OFD1: variants seen among roughly 807,000 people sequenced by gnomAD.
The protein encoded by OFD1 is OFD1 centriole and centriolar satellite protein.
Under a neutral mutation model 81.4 loss-of-function variants are expected in OFD1, and 12 were observed. The ratio of observed to expected loss-of-function variants is 0.15; its 90% CI spans 0.09 to 0.24. OFD1 has a LOEUF of 0.24. Among genes scored for constraint, OFD1 ranks in the 10% least tolerant of loss-of-function variants. OFD1 has a pLI of 1.00. For missense variants in OFD1, 685 were observed against 733.9 expected (o/e 0.93, Z 0.77); for synonymous variants, 256 against 263.7 (o/e 0.97, Z 0.28).
At chrX:13,722,208 C>CAAAAAAAAAAAAAAAAAAAAAAAA in the OFD1 span, 4 of 36,118 alleles carry the variant, frequency 1.1e-4, no homozygotes, top group Non-Finnish European at 1.5e-4. Flanking sequence ...TAAGCAGCAG[C>CAAAAAAAAAAAAAAAAAAAAAAAA]AAAAAAAAAA....
rs1401239616 is a variant in OFD1 at position 13,767,331 on chromosome X, C to T, written c.2757+47C>T. ...TCTGAACTGGTTGCTCCATTGTACA[C>T]CTTTCGTAAGTACATTGAGCTCAGG... On this transcript the variant is annotated intron_variant, in intron 20 of 22. Coordinates refer to ENST00000340096, the MANE Select transcript of OFD1 (RefSeq NM_003611.3). 3 of 1,164,898 alleles carry T rather than the reference C, an allele frequency of 2.6e-6. No homozygotes were observed. The Middle Eastern group carries it at 7.1e-4, about 275-fold the overall frequency.
At chrX:13,751,481 A>T (rs2047498311) in intron 10 of OFD1, 113 bp downstream of exon 10, 1 of 612,410 alleles carries the variant, frequency 1.6e-6, no homozygotes, top group African/African-American at 2.3e-5. Context: ...TTTGAAAAAA[A>T]AAAAACATAG....
intron 16 of OFD1, 74 bp downstream of exon 16, chrX:13,760,794 C>CGT: frequency 8.7e-7 from 1 of 1,155,999 alleles, no homozygotes; most frequent in Non-Finnish European, 1.2e-6. Context: ...ACAGGGTTGC[C>CGT]GTGAGGGTCA....
chrX:13,717,741 A>G, the OFD1 span, among the ~76,000 whole-genome samples: 3 of 111,804 alleles, frequency 2.7e-5, no homozygotes, highest in Non-Finnish European at 5.6e-5. Flanking sequence ...CTCCGTCTCA[A>G]AAAAACCCAA....
chrX:13,761,306 A>G (rs1246697643), intron 17 of OFD1, 95 bp downstream of exon 17: 76 of 901,520 alleles, frequency 8.4e-5, no homozygotes, highest in Non-Finnish European at 1.2e-4. Context: ...TTTTTTTGAG[A>G]TAATTATTAT....
At chrX:13,754,202 C>T (rs1489761936) in intron 11 of OFD1, among the ~76,000 whole-genome samples, 8 of 110,996 alleles carry the variant, frequency 7.2e-5, no homozygotes, top group Non-Finnish European at 1.3e-4. Context: ...AGGATGATCT[C>T]GATCTCCTGA....
At chrX:13,753,159 C>T in intron 10 of OFD1, 1 of 1,039,530 alleles carries the variant, frequency 9.6e-7, no homozygotes, top group Non-Finnish European at 1.2e-6. Context: ...AGTTTTGGGA[C>T]CCAGTTTATA....
chrX:13,750,755 G>A (rs764645148), intron 9 of OFD1, among the ~76,000 whole-genome samples: 19 of 112,229 alleles, frequency 1.7e-4, no homozygotes, highest in Non-Finnish European at 3.4e-4. Context: ...GGGATTATAG[G>A]TGCGGGCCAC....
At chrX:13,735,561 G>GCT in intron 2 of OFD1, among the ~76,000 whole-genome samples, 1 of 112,432 alleles carries the variant, frequency 8.9e-6, no homozygotes, top group Non-Finnish European at 1.9e-5. Flanking sequence ...TCTTAAAGGA[G>GCT]CATATTCAAA....
intron 12 of OFD1, among the ~76,000 whole-genome samples, chrX:13,756,056 G>A (rs1397213146): frequency 1.0e-5 from 1 of 100,138 alleles, no homozygotes; most frequent in Non-Finnish European, 2.0e-5. Flanking sequence ...CCGGGTTCAA[G>A]TGATTCTCAT....
rs879005174 is a variant in OFD1, at chrX:13,768,653, T to TA, written c.2929-62dup. 23 of 860,386 alleles carry TA rather than the reference T, an allele frequency of 2.7e-5. No individual in the cohort carries two copies. The South Asian group carries it at 3.9e-4, about 14-fold the overall frequency. 70.9% of individuals were successfully genotyped at this position (860,386 alleles called of 1,213,427 possible). On this transcript the variant is annotated intron_variant, in intron 21 of 22. Transcript: ENST00000340096. ...ACATATATATTTCAAAAATGGTTCT[T>TA]AAAGTATTTCATGAAATTAATGCAT...
chrX:13,741,097 G>A (rs1190775818), intron 5 of OFD1, among the ~76,000 whole-genome samples: 4 of 110,245 alleles, frequency 3.6e-5, no homozygotes, highest in Non-Finnish European at 7.6e-5. Context: ...CCAAGATCAC[G>A]CCACTGCGCT....
chrX:13,740,079 T>A, intron 5 of OFD1: 2 of 951,974 alleles, frequency 2.1e-6, no homozygotes, highest in Non-Finnish European at 2.7e-6. Flanking sequence ...GAATACTTAT[T>A]TTCTGCCAGC....
chrX:13,717,891 G>A, the OFD1 span, among the ~76,000 whole-genome samples: 1 of 112,139 alleles, frequency 8.9e-6, no homozygotes, highest in East Asian at 2.8e-4. Flanking sequence ...GCTAAGATGA[G>A]GTCACACTGG....
chrX:13,757,366 A>G (rs770169037), intron 13 of OFD1, among the ~76,000 whole-genome samples: 55 of 112,005 alleles, frequency 4.9e-4, no homozygotes, highest in African/African-American at 1.8e-3. Flanking sequence ...TTCTGTGCAC[A>G]GTAGAGGAGA....
intron 5 of OFD1, among the ~76,000 whole-genome samples, chrX:13,740,865 G>A (rs1363534602): frequency 9.1e-6 from 1 of 110,037 alleles, no homozygotes; most frequent in Non-Finnish European, 1.9e-5. Context: ...ATGGCCGGGC[G>A]CAGTGGCTCA....
chrX:13,716,582 C>T, the OFD1 span: 1 of 1,211,816 alleles, frequency 8.3e-7, no homozygotes, highest in Non-Finnish European at 1.1e-6. Context: ...AACTTGTCCA[C>T]AGTTTTCAAG....
At chrX:13,735,169 C>T (rs1206639349) in intron 1 of OFD1, 79 bp from the exon 2 acceptor site, 2 of 1,194,583 alleles carry the variant, frequency 1.7e-6, no homozygotes, top group African/African-American at 1.7e-5. Flanking sequence ...TTATGGCTTC[C>T]CCGGAGGCCA....
chrX:13,741,260 A>G (rs1443087491), intron 5 of OFD1, among the ~76,000 whole-genome samples: 1 of 112,650 alleles, frequency 8.9e-6, no homozygotes, highest in Admixed American at 9.4e-5. Flanking sequence ...AGCCAGAAAA[A>G]CTATGAGTAG....
Sources: allele counts gnomAD v4.1 joint callset (sites outside exome capture counted in the v4.1 genomes callset), GRCh38; gene constraint gnomAD v4.1.1; transcripts MANE v1.5; gene names NCBI Gene and HGNC (gene_info 2026-07-23, HGNC 2026-07-21).